Variants in ARHGAP26 observed in about 807,000 individuals in gnomAD.
ARHGAP26 encodes rho GTPase-activating protein 26.
In ARHGAP26, 38 loss-of-function variants were observed where a neutral mutation model predicts 104.8. That is an observed-to-expected ratio of 0.36 (90% CI 0.28 to 0.48). ARHGAP26 has a LOEUF of 0.48. Ranked by LOEUF, ARHGAP26 falls within the 20% of genes least tolerant of loss-of-function variation. The pLI is 0.99. For synonymous variants in ARHGAP26, 341 were observed against 340.0 expected, an observed-to-expected ratio of 1.00 and a Z score of -0.03; for missense variants, 704 against 947.9, an observed-to-expected ratio of 0.74 and a Z score of 3.38.
intron 10 of ARHGAP26, among the ~76,000 whole-genome samples, chr5:142,920,795 A>T (rs1406696505): frequency 6.6e-6 from 1 of 152,202 alleles, no homozygotes; most frequent in East Asian, 1.9e-4. Flanking sequence ...TATATACTCA[A>T]GCAACTAAGG....
At chr5:142,979,394 G>T (rs561934584) in intron 11 of ARHGAP26, among the ~76,000 whole-genome samples, 1 of 152,312 alleles carries the variant, frequency 6.6e-6, no homozygotes, top group African/African-American at 2.4e-5. Flanking sequence ...CAGTCTGTGT[G>T]TCCAGTTGGA....
At chr5:143,019,466 G>C (rs1210150124) in intron 12 of ARHGAP26, among the ~76,000 whole-genome samples, 1 of 152,058 alleles carries the variant, frequency 6.6e-6, no homozygotes, top group African/African-American at 2.4e-5. Context: ...CTACCTTTGG[G>C]TACAAGGTAG....
intron 1 of ARHGAP26, among the ~76,000 whole-genome samples, chr5:142,795,992 T>C (rs1043570306): frequency 1.1e-4 from 16 of 152,180 alleles, no homozygotes; most frequent in Admixed American, 3.9e-4. Flanking sequence ...TCTACTTTTT[T>C]CTATAGTACT....
At chr5:143,204,857 G>A (rs1808319285) in intron 20 of ARHGAP26, among the ~76,000 whole-genome samples, 1 of 151,990 alleles carries the variant, frequency 6.6e-6, no homozygotes, top group Non-Finnish European at 1.5e-5. Flanking sequence ...GGTAACCACT[G>A]ACCAAAAGAA....
intron 10 of ARHGAP26, 58 bp from the exon 11 acceptor site, chr5:142,931,989 C>T (rs1192604662): frequency 1.3e-6 from 2 of 1,512,938 alleles, no homozygotes; most frequent in Admixed American, 1.7e-5. Flanking sequence ...GATTTGCCTT[C>T]ACCAATCTCT....
intron 11 of ARHGAP26, among the ~76,000 whole-genome samples, chr5:142,993,479 G>A (rs34469762): frequency 0.041 from 6,196 of 151,868 alleles, 265 homozygotes; most frequent in African/African-American, 0.1. Context: ...CAATTTTTGT[G>A]TTTTTAATAA....
intron 15 of ARHGAP26, among the ~76,000 whole-genome samples, chr5:143,055,791 CTA>C (rs1191258445): frequency 1.3e-5 from 2 of 152,134 alleles, no homozygotes; most frequent in Non-Finnish European, 2.9e-5. Flanking sequence ...TGCATTAGCA[CTA>C]TTTTAGTGTT....
Position 142,948,303 on chromosome 5 carries a change from A to G in ARHGAP26, c.1107+16178A>G, listed in dbSNP as rs1475837405. Among the ~76,000 whole-genome samples, 6 of 152,132 alleles carry G rather than the reference A, an allele frequency of 3.9e-5. No homozygotes were observed. In the South Asian group the frequency reaches 6.2e-4, roughly 16 times the overall value. ...TTGTAACACTGTCTCTAGCACCAGCAGTAAAATTAGGATGGGTGTGCATGT... is the reference window on the plus strand; with the variant it reads ...TTGTAACACTGTCTCTAGCACCAGCGGTAAAATTAGGATGGGTGTGCATGT... On this transcript the variant is annotated intron_variant, in intron 11 of 22. Transcript: ENST00000645722.
At chr5:143,161,416 A>G (rs897503266) in intron 20 of ARHGAP26, among the ~76,000 whole-genome samples, 1 of 152,154 alleles carries the variant, frequency 6.6e-6, no homozygotes, top group Non-Finnish European at 1.5e-5. Context: ...CCCAACCAAC[A>G]TTGTGAAATG....
At chr5:142,901,810 TA>T in intron 6 of ARHGAP26, 124 bp from the exon 7 acceptor site, 2 of 749,518 alleles carry the variant, frequency 2.7e-6, no homozygotes, top group Non-Finnish European at 2.2e-6. Context: ...TGGTGCTCTT[TA>T]AATGTCAGCC....
At chr5:143,133,798 C>G (rs1797625279) in intron 18 of ARHGAP26, among the ~76,000 whole-genome samples, 169 bp from the exon 19 acceptor site, 1 of 152,176 alleles carries the variant, frequency 6.6e-6, no homozygotes, top group African/African-American at 2.4e-5. Context: ...TGTTTAATGC[C>G]ATTTCCTAGA....
intron 20 of ARHGAP26, among the ~76,000 whole-genome samples, chr5:143,159,241 A>G (rs1800895081): frequency 6.6e-6 from 1 of 152,216 alleles, no homozygotes; most frequent in Admixed American, 6.5e-5. Context: ...CCATTGGTGA[A>G]CCCAACAGGA....
At chr5:143,116,865 C>G (rs1355617168) in intron 17 of ARHGAP26, among the ~76,000 whole-genome samples, 5 of 152,210 alleles carry the variant, frequency 3.3e-5, no homozygotes, top group African/African-American at 1.2e-4. Flanking sequence ...CTATACCTCC[C>G]TACCCCCAAC....
At chr5:143,208,872 A>T (rs1286848458) in intron 21 of ARHGAP26, among the ~76,000 whole-genome samples, 1 of 152,216 alleles carries the variant, frequency 6.6e-6, no homozygotes, top group East Asian at 1.9e-4. Flanking sequence ...TCTTCCTGAC[A>T]TTCTAGTGAT....
At chr5:143,172,795 T>A (rs552228920) in intron 20 of ARHGAP26, among the ~76,000 whole-genome samples, 2 of 152,342 alleles carry the variant, frequency 1.3e-5, no homozygotes, top group South Asian at 4.1e-4. Flanking sequence ...ATCCCAGTTA[T>A]CTTGGCCATG....
intron 1 of ARHGAP26, among the ~76,000 whole-genome samples, chr5:142,819,234 C>A (rs1765670314): frequency 6.6e-6 from 1 of 152,138 alleles, no homozygotes; most frequent in Admixed American, 6.5e-5. Context: ...TAACAAGTTC[C>A]TCTGTGCCCT....
intron 12 of ARHGAP26, among the ~76,000 whole-genome samples, chr5:143,026,978 G>A (rs1411806786): frequency 6.6e-6 from 1 of 152,034 alleles, no homozygotes; most frequent in Non-Finnish European, 1.5e-5. Flanking sequence ...GATTGGATGT[G>A]GTGTGTGAAT....
At chr5:142,776,363 C>T (rs1032966406) in intron 1 of ARHGAP26, among the ~76,000 whole-genome samples, 3 of 152,170 alleles carry the variant, frequency 2.0e-5, no homozygotes, top group Non-Finnish European at 2.9e-5. Context: ...ATTTTTAGCA[C>T]CCCGAAAAGC....
intron 8 of ARHGAP26, chr5:142,907,502 T>G (rs1761258932): frequency 3.2e-6 from 1 of 313,610 alleles, no homozygotes; most frequent in South Asian, 1.3e-4. Flanking sequence ...CTGGGGGAAA[T>G]CCCGGGGTTG....
Sources: gnomAD v4.1 joint callset for allele counts (sites outside exome capture counted in the v4.1 genomes callset) on GRCh38, gnomAD v4.1.1 for gene constraint, MANE v1.5 for transcripts, NCBI Gene and HGNC (gene_info 2026-07-23, HGNC 2026-07-21) for gene names.